Variants in MYH14 observed in about 807,000 individuals in gnomAD.
The protein encoded by MYH14 is myosin-14.
In MYH14, 123 loss-of-function variants were observed where a neutral mutation model predicts 255.5. The ratio of observed to expected loss-of-function variants is 0.48; its 90% CI spans 0.42 to 0.56. MYH14 has a LOEUF of 0.56. Ranked by LOEUF, MYH14 falls within the 20% of genes least tolerant of loss-of-function variation. MYH14 has a pLI of 0.00. For missense variants in MYH14, 2,423 were observed against 2,802.3 expected, an observed-to-expected ratio of 0.86 and a Z score of 3.06; for synonymous variants, 1,095 against 1,161.2, an observed-to-expected ratio of 0.94 and a Z score of 1.16.
chr19:50,233,042 T>C lies in MYH14; in HGVS notation c.1114+972T>C, dbSNP rs117513432. ...GGTGCTGAGACCAGAAGGAGGCTGC[T>C]GAGGCTCTAGGGAAGGCTCAGGACG... On this transcript the variant is annotated intron_variant, in intron 10 of 42. Coordinates refer to ENST00000642316, the MANE Select transcript of MYH14 (RefSeq NM_001145809.2). Among the ~76,000 whole-genome samples, 837 of 152,212 alleles carry C rather than the reference T, an allele frequency of 5.5e-3. 39 individuals are homozygous for C. In the East Asian group the frequency reaches 0.12, roughly 22 times the overall value.
chr19:50,301,846 G>A lies in MYH14; in HGVS notation c.5655G>A (p.Glu1885=). Residue 1885 remains glutamate, a synonymous_variant, in exon 40 of 43, where the codon GAG becomes GAA. Transcript: ENST00000642316. ...TTGAGTCTAAGTTGGCCCAGGCTGA[G>A]GAGCAGCTAGAGCAAGAGACCAGGT... ...AALESKLAQA[E]EQLEQETRER... 5 of 1,612,938 alleles carry A rather than the reference G, an allele frequency of 3.1e-6. No homozygotes were observed. The highest frequency in any genetic ancestry group is 4.2e-6 in the Non-Finnish European group (5 of 1,179,482).
intron 27 of MYH14, 64 bp downstream of exon 27, chr19:50,272,795 G>A (rs1324384530): frequency 2.0e-6 from 3 of 1,499,656 alleles, no homozygotes; most frequent in South Asian, 1.2e-5. Context: ...AGCGTGGGGT[G>A]CCCAAGTCAG....
In MYH14 at chr19:50,262,383, C is replaced by T. The variant is rs1311744734; in HGVS notation, c.2585+748C>T. The stretch of plus-strand genomic sequence containing the variant: ...GACAAGCCTGGCCAACATGGTGAAA[C>T]CCCATCTCTACTAAAAATACAAAAA... On this transcript the variant is annotated intron_variant, in intron 21 of 42. Coordinates refer to ENST00000642316, the MANE Select transcript of MYH14 (RefSeq NM_001145809.2). 4.6e-5 allele frequency among the ~76,000 whole-genome samples: 7 copies of T among 151,866 alleles called. No individual in the cohort carries two copies. The East Asian group carries it at 1.4e-3, about 29-fold the overall frequency.
At chr19:50,251,488 CA>C (rs1568500170) in intron 15 of MYH14, among the ~76,000 whole-genome samples, 9 of 142,922 alleles carry the variant, frequency 6.3e-5, no homozygotes, top group Admixed American at 3.8e-4. Context: ...TATATACACA[CA>C]TATATATATA....
Position 50,289,579 on chromosome 19 carries a change from T to G in MYH14, c.4896T>G (p.Thr1632=). 1.2e-6 allele frequency: 2 copies of G among 1,612,974 alleles called. No homozygotes were observed. Among genetic ancestry groups the G allele is most frequent in the Non-Finnish European group, 1.7e-6 (2 of 1,179,640 alleles). ...RLEVTVQALK[T]QHERDLQGRD... is the part of the protein sequence containing the mutation. ...AGGTGACTGTGCAGGCTCTCAAGAC[T>G]CAGCATGAGCGTGACCTGCAGGGCC... Residue 1632 remains threonine, a synonymous_variant, in exon 35 of 43, where the codon ACT becomes ACG. Coordinates refer to ENST00000642316, the MANE Select transcript of MYH14 (RefSeq NM_001145809.2).
At chr19:50,204,844 A>G (rs2031643205) in intron 1 of MYH14, among the ~76,000 whole-genome samples, 1 of 151,730 alleles carries the variant, frequency 6.6e-6, no homozygotes, top group Admixed American at 6.6e-5. Flanking sequence ...GCAGTGAGCC[A>G]TGATCGTGGC....
rs543028087 is a variant in MYH14, at chr19:50,249,103, G to A, written c.1446G>A (p.Leu482=). 1.0e-5 allele frequency: 16 copies of A among 1,599,058 alleles called. No homozygotes were observed. The African/African-American group carries it at 1.7e-4, about 17-fold the overall frequency. Residue 482 remains leucine (L), a synonymous_variant, in exon 13 of 43, where the codon CTG becomes CTA. Coordinates refer to ENST00000642316, the MANE Select transcript of MYH14 (RefSeq NM_001145809.2). ...DRSPRQGASF[L]GILDIAGFEI... ...GCCCCCGCCAAGGCGCCTCCTTCCT[G>A]GGCATCCTGGACATCGCGGGCTTTG... is the stretch of plus-strand genomic sequence containing the variant.
chr19:50,280,470 G>A lies in MYH14; in HGVS notation c.4290+87G>A, dbSNP rs923947207. The A allele has an allele frequency of 5.1e-5, 70 of 1,371,510 alleles. No individual in the cohort carries two copies. The highest frequency in any genetic ancestry group is 6.7e-5 in the Non-Finnish European group (69 of 1,028,888). The allele number at this position is 1,371,510 out of a possible 1,614,324, so 85.0% of individuals were successfully genotyped here. On this transcript the variant is annotated intron_variant, in intron 32 of 42. Coordinates refer to ENST00000642316, the MANE Select transcript of MYH14 (RefSeq NM_001145809.2). This position sits in a 1 kb window ranked among gnomAD's most constrained non-coding sequence, Gnocchi z 4.8. Reference sequence around the variant, plus strand: ...TCCCCAGCTCAGGGATGGCCATGCTGCCCACCTTCTCATAGGCCAGACCCA... The same window carrying A: ...TCCCCAGCTCAGGGATGGCCATGCTACCCACCTTCTCATAGGCCAGACCCA...
At chr19:50,208,167 C>G (rs1022687186) in intron 1 of MYH14, among the ~76,000 whole-genome samples, 2 of 152,226 alleles carry the variant, frequency 1.3e-5, no homozygotes, top group Non-Finnish European at 2.9e-5. Context: ...GTAATCCCAG[C>G]ACTTTGGGAG....
At position 50,230,662 on chromosome 19, in the gene MYH14, G is replaced by T; in HGVS notation, c.973+39G>T. 1 of 1,532,260 alleles carries T rather than the reference G, an allele frequency of 6.5e-7. No homozygotes were observed. The highest frequency in any genetic ancestry group is 8.8e-7 in the Non-Finnish European group (1 of 1,131,102). The allele number at this position is 1,532,260 out of a possible 1,614,324, so 94.9% of individuals were successfully genotyped here. On this transcript the variant is annotated intron_variant, in intron 9 of 42. Coordinates refer to ENST00000642316, the MANE Select transcript of MYH14 (RefSeq NM_001145809.2). The surrounding 1 kb of genome is among the most constrained non-coding windows in gnomAD (Gnocchi z 4.7). ...CGTCCTACCCTGCTCACCCGGGAGA[G>T]GGTGGGCACCATGTCTCTCGGGGGC...
At chr19:50,232,581 G>A (rs1342881777) in intron 10 of MYH14, among the ~76,000 whole-genome samples, 5 of 126,466 alleles carry the variant, frequency 4.0e-5, no homozygotes, top group African/African-American at 1.2e-4. Flanking sequence ...TCAACAGAGC[G>A]AGACTCTGTC....
intron 10 of MYH14, 31 bp downstream of exon 10, chr19:50,232,101 G>C (rs376898395): frequency 1.6e-4 from 253 of 1,606,376 alleles, no homozygotes; most frequent in Non-Finnish European, 2.0e-4. Context: ...CCAGGGGTAG[G>C]GGGGAACCCC....
At chr19:50,255,340 T>C (rs770540646) in intron 17 of MYH14, 22 bp downstream of exon 17, 1 of 1,531,364 alleles carries the variant, frequency 6.5e-7, no homozygotes. Context: ...TGTGCATCGA[T>C]GGGTGAGGCT....
At chr19:50,235,248 C>T (rs563138240) in intron 10 of MYH14, among the ~76,000 whole-genome samples, 2 of 151,954 alleles carry the variant, frequency 1.3e-5, no homozygotes, top group East Asian at 3.9e-4. Context: ...GTCCCAGCTA[C>T]TCAGGAGGCT....
In MYH14 at chr19:50,252,884, G is replaced by A. The variant is rs1340015133; in HGVS notation, c.1945+131G>A. The A allele has an allele frequency of 1.5e-5, 9 of 612,322 alleles. No homozygotes were observed. The highest frequency in any genetic ancestry group is 2.6e-5 in the Non-Finnish European group (9 of 345,794). 37.9% of individuals were successfully genotyped at this position (612,322 alleles called of 1,614,324 possible). ...TTTCTGCTCAGACCCAGAATAGCCA[G>A]TGTCACAAATAGTATTTCAAATCAG... On this transcript the variant is annotated intron_variant, in intron 16 of 42. Transcript: ENST00000642316. The surrounding 1 kb of genome is among the most constrained non-coding windows in gnomAD (Gnocchi z 4.2).
At chr19:50,275,361 C>T (rs1164130704) in intron 27 of MYH14, among the ~76,000 whole-genome samples, 1 of 152,182 alleles carries the variant, frequency 6.6e-6, no homozygotes, top group African/African-American at 2.4e-5. Flanking sequence ...ACTCACGGAC[C>T]CGGTAACCTC....
intron 22 of MYH14, among the ~76,000 whole-genome samples, chr19:50,263,902 C>T (rs536036023): frequency 9.9e-5 from 15 of 151,790 alleles, no homozygotes; most frequent in African/African-American, 3.6e-4. Context: ...ACTAAAGATA[C>T]AAAAATTAGC....
chr19:50,223,399 C>A, intron 5 of MYH14, 50 bp downstream of exon 5: 1 of 1,269,094 alleles, frequency 7.9e-7, no homozygotes, highest in South Asian at 1.3e-5. Flanking sequence ...CAGCACTGCC[C>A]CTTCCATCTT....
intron 16 of MYH14, among the ~76,000 whole-genome samples, chr19:50,254,946 A>C (rs1343512512): frequency 1.3e-5 from 2 of 152,208 alleles, no homozygotes; most frequent in African/African-American, 4.8e-5. Flanking sequence ...CAACCTCTAG[A>C]GGGAGAGATT....
Sources: allele counts gnomAD v4.1 joint callset (sites outside exome capture counted in the v4.1 genomes callset), GRCh38; gene constraint gnomAD v4.1.1; non-coding constraint Gnocchi (gnomAD v3.1); transcripts MANE v1.5; gene names NCBI Gene and HGNC (gene_info 2026-07-23, HGNC 2026-07-21).